IQSEC1: variants seen among roughly 807,000 people sequenced by gnomAD.
IQSEC1 encodes IQ motif and Sec7 domain ArfGEF 1.
In IQSEC1, 31 loss-of-function variants were observed where a neutral mutation model predicts 91.0. The ratio of observed to expected loss-of-function variants is 0.34; its 90% CI spans 0.26 to 0.46. The LOEUF (loss-of-function observed/expected upper bound fraction) is 0.46, where lower values mean the gene tolerates loss of function less well. Ranked by LOEUF, IQSEC1 falls within the 20% of genes least tolerant of loss-of-function variation. The probability of loss-of-function intolerance (pLI) is 1.00; values close to 1 mark genes in which losing one functional copy is unlikely to be tolerated. For missense variants in IQSEC1, 1,388 were observed against 1,575.6 expected (o/e 0.88, Z 2.02); for synonymous variants, 699 against 662.6 (o/e 1.05, Z -0.84).
chr3:13,265,149 C>T (rs1695465958), intron 1 of IQSEC1, among the ~76,000 whole-genome samples: 1 of 152,222 alleles, frequency 6.6e-6, no homozygotes, highest in Non-Finnish European at 1.5e-5. Flanking sequence ...AGTCTTGCCT[C>T]CTCCTCGGCC....
At chr3:13,267,308 A>C (rs530789142) in intron 1 of IQSEC1, among the ~76,000 whole-genome samples, 196 of 152,222 alleles carry the variant, frequency 1.3e-3, no homozygotes, top group Non-Finnish European at 2.1e-3. Flanking sequence ...ATAAATGTCT[A>C]TTGTTTATAA....
chr3:13,025,926 C>T (rs1456793286), intron 1 of IQSEC1, among the ~76,000 whole-genome samples: 2 of 152,240 alleles, frequency 1.3e-5, no homozygotes, highest in African/African-American at 4.8e-5. Flanking sequence ...TCACAACACC[C>T]CTGAGCCCTC....
chr3:13,043,103 C>A (rs1009314390), intron 1 of IQSEC1, among the ~76,000 whole-genome samples: 1 of 152,188 alleles, frequency 6.6e-6, no homozygotes, highest in East Asian at 1.9e-4. Context: ...TAAAATGGAA[C>A]CGCTATGACA....
At chr3:13,075,096 C>T (rs1705542752), upstream of IQSEC1, among the ~76,000 whole-genome samples, 1 of 152,236 alleles carries the variant, frequency 6.6e-6, no homozygotes, top group Non-Finnish European at 1.5e-5. Context: ...ACGGACCTCC[C>T]TCCCTGAGTC....
intron 1 of IQSEC1, among the ~76,000 whole-genome samples, chr3:12,962,537 G>C (rs943845748): frequency 6.6e-6 from 1 of 152,198 alleles, no homozygotes; most frequent in Admixed American, 6.5e-5. Context: ...CCCTCCCATG[G>C]GATCCAGTTC....
At chr3:13,104,649 G>A (rs1407293333) in intron 2 of IQSEC1, among the ~76,000 whole-genome samples, 7 of 152,094 alleles carry the variant, frequency 4.6e-5, no homozygotes, top group African/African-American at 1.4e-4. Context: ...CTCCCCCTCC[G>A]GTGGCCCTGG....
intron 1 of IQSEC1, among the ~76,000 whole-genome samples, chr3:13,225,028 G>A (rs1414220267): frequency 1.3e-5 from 2 of 152,268 alleles, no homozygotes; most frequent in African/African-American, 2.4e-5. Context: ...CTGCCCAGCA[G>A]TAGTGAGACA....
chr3:13,237,081 G>A (rs1280148177), intron 1 of IQSEC1, among the ~76,000 whole-genome samples: 1 of 152,222 alleles, frequency 6.6e-6, no homozygotes, highest in African/African-American at 2.4e-5. Context: ...GCACTGGAAG[G>A]TCTCCCTCCG....
At chr3:13,071,435 C>T (rs1207469106) in intron 1 of IQSEC1, among the ~76,000 whole-genome samples, 1 of 152,188 alleles carries the variant, frequency 6.6e-6, no homozygotes, top group Non-Finnish European at 1.5e-5. Flanking sequence ...CCCGATGTAA[C>T]AGCCCTGAGA....
intron 1 of IQSEC1, among the ~76,000 whole-genome samples, chr3:13,175,235 T>C: frequency 6.6e-6 from 1 of 152,180 alleles, no homozygotes; most frequent in Non-Finnish European, 1.5e-5. Flanking sequence ...GAGAGGTTAC[T>C]TCACCTCTCT....
intron 1 of IQSEC1, chr3:13,021,945 G>T: frequency 1.1e-6 from 1 of 909,302 alleles, no homozygotes; most frequent in African/African-American, 1.7e-5. Flanking sequence ...CTCCATCCCA[G>T]CTCCTTCCTG....
At chr3:13,017,978 G>A (rs1703220293) in intron 1 of IQSEC1, among the ~76,000 whole-genome samples, 1 of 152,180 alleles carries the variant, frequency 6.6e-6, no homozygotes, top group Non-Finnish European at 1.5e-5. Flanking sequence ...GAGGAGGCTG[G>A]TGACCCCTTC....
intron 2 of IQSEC1, among the ~76,000 whole-genome samples, chr3:13,131,677 T>A (rs1320556895): frequency 1.3e-5 from 2 of 151,932 alleles, no homozygotes; most frequent in Admixed American, 1.3e-4. Context: ...AGTAGAGACA[T>A]GGTTTCATCA....
chr3:13,091,852 A>G (rs1475711326), intron 2 of IQSEC1, among the ~76,000 whole-genome samples: 1 of 151,458 alleles, frequency 6.6e-6, no homozygotes, highest in Non-Finnish European at 1.5e-5. Context: ...GGAAAGCCAC[A>G]TCCTCTGTGG....
At chr3:13,221,936 CG>C (rs1387211021) in intron 1 of IQSEC1, among the ~76,000 whole-genome samples, 9 of 152,344 alleles carry the variant, frequency 5.9e-5, no homozygotes, top group African/African-American at 1.9e-4. Context: ...ATGGTAGCCG[CG>C]GAGCAGAGGG....
chr3:13,271,451 C>T (rs1695589392), intron 1 of IQSEC1, among the ~76,000 whole-genome samples: 1 of 152,112 alleles, frequency 6.6e-6, no homozygotes, highest in Non-Finnish European at 1.5e-5. Flanking sequence ...CCCCAAAATA[C>T]ATGAAGTGTT....
At chr3:12,926,155 C>T (rs888771526) in intron 3 of IQSEC1, among the ~76,000 whole-genome samples, 2 of 152,034 alleles carry the variant, frequency 1.3e-5, no homozygotes, top group Admixed American at 1.3e-4. Flanking sequence ...TACTAAAAAT[C>T]CAAAATTGGC....
rs189001683 is a variant in IQSEC1 at position 12,951,497 on chromosome 3, G to A, written c.24-9632C>T. ...AAGAGACATAGAGCTGGTGTAGCCA[G>A]CAAGACAGGAACAGTGAGGGCTTTC... On this transcript the variant is annotated intron_variant, in intron 1 of 13. Coordinates refer to ENST00000613206, the MANE Select transcript of IQSEC1 (RefSeq NM_001134382.3). 1.7e-3 allele frequency among the ~76,000 whole-genome samples: 258 copies of A among 151,972 alleles called. 1 individual carries two copies. Among genetic ancestry groups the A allele is most frequent in the African/African-American group, 5.4e-3 (224 of 41,462 alleles).
intron 2 of IQSEC1, among the ~76,000 whole-genome samples, chr3:13,125,345 C>T (rs994498535): frequency 6.6e-6 from 1 of 152,192 alleles, no homozygotes; most frequent in African/African-American, 2.4e-5. Flanking sequence ...CCACCTCCAC[C>T]AGGTGAGGCC....
Sources: allele counts gnomAD v4.1 joint callset (sites outside exome capture counted in the v4.1 genomes callset), GRCh38; gene constraint gnomAD v4.1.1; transcripts MANE v1.5; gene names NCBI Gene and HGNC (gene_info 2026-07-23, HGNC 2026-07-21).